The following UACA variants were observed in gnomAD, a reference collection of about 807,000 sequenced individuals.
UACA encodes the protein nuclear membrane binding protein.
Under a neutral mutation model 160.5 loss-of-function variants are expected in UACA, and 112 were observed. The observed-to-expected ratio is 0.70, with a 90% CI of 0.60 to 0.82. The LOEUF (loss-of-function observed/expected upper bound fraction) is 0.82. UACA is among the 40% of genes least tolerant of loss of function. The probability of loss-of-function intolerance (pLI) is 0.00; values close to 1 mark genes in which losing one functional copy is unlikely to be tolerated. For missense variants in UACA, 1,574 were observed against 1,614.6 expected (o/e 0.97, Z 0.43); for synonymous variants, 557 against 568.4 (o/e 0.98, Z 0.29).
chr15:70,735,877 T>C (rs1197190770), intron 1 of UACA, among the ~76,000 whole-genome samples: 2 of 152,092 alleles, frequency 1.3e-5, no homozygotes, highest in East Asian at 1.9e-4. Flanking sequence ...GGTCTTGTTA[T>C]GTTGCCAAGG....
chr15:70,763,690 TC>T, upstream of UACA: 1 of 408,216 alleles, frequency 2.4e-6, no homozygotes, highest in Non-Finnish European at 4.0e-6. Flanking sequence ...ACCCTTCCTC[TC>T]CCAGCTGGAG....
At chr15:70,736,918 T>C (rs989856758) in intron 1 of UACA, among the ~76,000 whole-genome samples, 2 of 152,216 alleles carry the variant, frequency 1.3e-5, no homozygotes, top group Non-Finnish European at 2.9e-5. Context: ...TCATGACCTT[T>C]GCTTATGGCA....
At position 70,654,980 on chromosome 15, in the gene UACA, G is replaced by T. The variant is rs1448327718; in HGVS notation, c.*2076C>A. 1.3e-5 allele frequency: 2 copies of T among 152,214 alleles called. No homozygotes were observed. The highest frequency in any genetic ancestry group is 2.9e-5 in the Non-Finnish European group (2 of 68,036). 9.4% of individuals were successfully genotyped at this position (152,214 alleles called of 1,614,324 possible). ...AGTACTTGATATTTTACTCCAGATA[G>T]CTGAATGAAAATGGGTATTCTCCCT... On this transcript the variant is annotated 3_prime_UTR_variant, in exon 19 of 19. Coordinates refer to ENST00000322954, the MANE Select transcript of UACA (RefSeq NM_018003.4).
intron 18 of UACA, 42 bp downstream of exon 18, chr15:70,660,109 C>A: frequency 1.3e-6 from 2 of 1,514,004 alleles, no homozygotes; most frequent in Admixed American, 1.8e-5. Context: ...AAATTATTAT[C>A]TCTAAAGCAA....
chr15:70,657,968 T>C (rs898604128), intron 18 of UACA, among the ~76,000 whole-genome samples: 6 of 151,000 alleles, frequency 4.0e-5, no homozygotes, highest in Admixed American at 2.0e-4. Flanking sequence ...CATGTGCCTG[T>C]AGTCCCAGCT....
At chr15:70,685,937 G>A (rs1897698098) in intron 7 of UACA, among the ~76,000 whole-genome samples, 1 of 151,978 alleles carries the variant, frequency 6.6e-6, no homozygotes, top group South Asian at 2.1e-4. Context: ...ACCACACCTA[G>A]CTAATTTTTG....
the UACA span, among the ~76,000 whole-genome samples, chr15:70,771,067 C>T: frequency 3.3e-5 from 5 of 152,234 alleles, no homozygotes; most frequent in Admixed American, 2.6e-4. Flanking sequence ...AGTCAACATT[C>T]CTTGACAGGT....
At chr15:70,721,353 C>T (rs1256253847) in intron 1 of UACA, among the ~76,000 whole-genome samples, 6 of 152,082 alleles carry the variant, frequency 3.9e-5, no homozygotes, top group African/African-American at 9.7e-5. Flanking sequence ...CGGATGGGCG[C>T]GGTGGCTCAC....
At chr15:70,657,753 T>G (rs1184415859) in intron 18 of UACA, among the ~76,000 whole-genome samples, 4 of 151,986 alleles carry the variant, frequency 2.6e-5, no homozygotes, top group African/African-American at 9.7e-5. Context: ...AATCTGTTGT[T>G]GTTGCTGCTG....
intron 1 of UACA, among the ~76,000 whole-genome samples, chr15:70,705,303 C>A (rs1309696964): frequency 1.3e-5 from 2 of 152,134 alleles, no homozygotes; most frequent in South Asian, 2.1e-4. Context: ...CCAAAGCAGG[C>A]GGATCACCTG....
At position 70,687,869 on chromosome 15, in the gene UACA, A is replaced by G. The variant is rs760940947; in HGVS notation, c.425-49T>C. On this transcript the variant is annotated intron_variant, in intron 5 of 18. Coordinates refer to ENST00000322954, the MANE Select transcript of UACA (RefSeq NM_018003.4). The stretch of plus-strand genomic sequence containing the variant: ...TAAATGGTGAACATCTGTTGGTAAG[A>G]CACATAGTGTTTTTCTAGGTCCATA... 1.9e-5 allele frequency: 30 copies of G among 1,574,590 alleles called. No individual in the cohort carries two copies. The African/African-American group carries it at 3.7e-4, about 19-fold the overall frequency.
intron 16 of UACA, among the ~76,000 whole-genome samples, chr15:70,665,225 A>AT (rs1896862303): frequency 6.6e-6 from 1 of 152,176 alleles, no homozygotes; most frequent in South Asian, 2.1e-4. Flanking sequence ...TAGGATTAAC[A>AT]TATGTTCCTT....
At chr15:70,698,409 C>A (rs1898209565) in intron 2 of UACA, among the ~76,000 whole-genome samples, 1 of 152,134 alleles carries the variant, frequency 6.6e-6, no homozygotes, top group South Asian at 2.1e-4. Context: ...ACAATTTATG[C>A]TGTGAGCCCT....
In UACA at chr15:70,719,922, CTTAT is replaced by C. The variant is rs760998792; in HGVS notation, c.79-20266_79-20263del. 3.9e-5 allele frequency among the ~76,000 whole-genome samples: 6 copies of C among 152,254 alleles called. No individual in the cohort carries two copies. The East Asian group carries it at 7.7e-4, about 20-fold the overall frequency. Reference sequence around the variant, plus strand: ...TTGTTATGTGCTTCCTTTCTTCCCCCTTATTTATTTATAAATTGTTTGAGATACA... The same window carrying C: ...TTGTTATGTGCTTCCTTTCTTCCCCCTTATTTATAAATTGTTTGAGATACA... On this transcript the variant is annotated intron_variant, in intron 1 of 18. Transcript: ENST00000322954.
chr15:70,673,679 A>C (rs1161443758), intron 13 of UACA, among the ~76,000 whole-genome samples: 1 of 152,252 alleles, frequency 6.6e-6, no homozygotes, highest in Non-Finnish European at 1.5e-5. Flanking sequence ...AATCAGTCTC[A>C]TTCTAAAATA....
rs147188160 is a variant in UACA at position 70,736,536 on chromosome 15, G to A, written c.78+26794C>T. Among the ~76,000 whole-genome samples the A allele has an allele frequency of 1.1e-4, 16 of 152,168 alleles. No individual in the cohort carries two copies. The East Asian group carries it at 3.1e-3, about 29-fold the overall frequency. On this transcript the variant is annotated intron_variant, in intron 1 of 18. Coordinates refer to ENST00000322954, the MANE Select transcript of UACA (RefSeq NM_018003.4). ...TCTAACCTGCACCTCCCAGGTTCAA[G>A]CAATTTTCCTGCCTCAGCCTCCCGA... is the stretch of plus-strand genomic sequence containing the variant.
chr15:70,659,341 C>CT (rs908330388), intron 18 of UACA, among the ~76,000 whole-genome samples: 1 of 73,028 alleles, frequency 1.4e-5, no homozygotes, highest in Admixed American at 1.6e-4. Context: ...TAAAATTGTT[C>CT]TTTTTTTGAA....
chr15:70,718,013 A>C (rs1474547809), intron 1 of UACA, among the ~76,000 whole-genome samples: 2 of 148,218 alleles, frequency 1.3e-5, no homozygotes, highest in Admixed American at 1.3e-4. Context: ...CAATTCCTTA[A>C]AATAAATTTC....
At chr15:70,763,193 A>T in intron 1 of UACA, 137 bp downstream of exon 1, 1 of 958,618 alleles carries the variant, frequency 1.0e-6, no homozygotes, top group Non-Finnish European at 1.4e-6. Context: ...CTCCGGCCTC[A>T]GGGAGGAGTC....
Sources: gnomAD v4.1 joint callset for allele counts (sites outside exome capture counted in the v4.1 genomes callset) on GRCh38, gnomAD v4.1.1 for gene constraint, MANE v1.5 for transcripts, NCBI Gene and HGNC (gene_info 2026-07-23, HGNC 2026-07-21) for gene names.